Variants in SGPP2 observed in about 807,000 individuals in gnomAD.
SGPP2 encodes sphingosine 1-phosphate phosphohydrolase 2.
SGPP2 carries 30 observed loss-of-function variants against 33.9 expected under a neutral mutation model. The ratio of observed to expected loss-of-function variants is 0.89; its 90% CI spans 0.66 to 1.20. The LOEUF is 1.20. Among genes scored for constraint, SGPP2 ranks in the 50% most tolerant of loss-of-function variants. SGPP2 has a pLI of 0.00. For missense variants in SGPP2, 458 were observed against 532.1 expected (o/e 0.86, Z 1.37); for synonymous variants, 233 against 225.0 (o/e 1.04, Z -0.32).
intron 4 of SGPP2, among the ~76,000 whole-genome samples, chr2:222,526,372 G>A (rs1559170245): frequency 6.6e-6 from 1 of 152,294 alleles, no homozygotes; most frequent in East Asian, 1.9e-4. Flanking sequence ...GGCCAGTCCT[G>A]TAATTTTACC....
At chr2:222,445,001 C>T (rs1290914996) in intron 1 of SGPP2, among the ~76,000 whole-genome samples, 1 of 152,176 alleles carries the variant, frequency 6.6e-6, no homozygotes, top group Non-Finnish European at 1.5e-5. Context: ...AGACCCCGAC[C>T]CAGGAGACAG....
chr2:222,485,531 G>C (rs1417449845), intron 2 of SGPP2, among the ~76,000 whole-genome samples: 1 of 152,168 alleles, frequency 6.6e-6, no homozygotes, highest in Admixed American at 6.5e-5. Context: ...GTCATTCCTG[G>C]GCCCATGTTC....
At chr2:222,494,811 T>A (rs1698251489) in intron 2 of SGPP2, among the ~76,000 whole-genome samples, 1 of 152,230 alleles carries the variant, frequency 6.6e-6, no homozygotes, top group Non-Finnish European at 1.5e-5. Context: ...TCCCCCCTCT[T>A]CATTTTAAAA....
intron 1 of SGPP2, 30 bp downstream of exon 1, chr2:222,424,851 G>C (rs1045351224): frequency 6.9e-6 from 9 of 1,308,426 alleles, no homozygotes; most frequent in African/African-American, 1.5e-5. Context: ...CGCCGGGTAC[G>C]GGGAGGGGGC....
intron 2 of SGPP2, among the ~76,000 whole-genome samples, chr2:222,507,636 T>G (rs1698464465): frequency 6.6e-6 from 1 of 152,142 alleles, no homozygotes; most frequent in Non-Finnish European, 1.5e-5. Flanking sequence ...TGTTATTTGT[T>G]TTTGCATGAA....
Position 222,562,247 on chromosome 2 carries a change from C to T in SGPP2, c.*3349C>T, listed in dbSNP as rs930428697. On this transcript the variant is annotated 3_prime_UTR_variant, in exon 5 of 5. Coordinates refer to ENST00000321276, the MANE Select transcript of SGPP2 (RefSeq NM_152386.4). Reference sequence around the variant, plus strand: ...ACCCCCAACCCACTGCCACTGTGGGCCAAGCCATCCATCTTGCAATCTTCA... The same window carrying T: ...ACCCCCAACCCACTGCCACTGTGGGTCAAGCCATCCATCTTGCAATCTTCA... Among the ~76,000 whole-genome samples, 19 of 152,182 alleles carry T rather than the reference C, an allele frequency of 1.2e-4. No homozygotes were observed. The highest frequency in any genetic ancestry group is 4.6e-4 in the African/African-American group (19 of 41,424).
At chr2:222,552,559 C>T (rs1175453546) in intron 4 of SGPP2, among the ~76,000 whole-genome samples, 2 of 152,090 alleles carry the variant, frequency 1.3e-5, no homozygotes, top group Non-Finnish European at 2.9e-5. Flanking sequence ...TCTCACAAAT[C>T]ATCACTAGAG....
intron 2 of SGPP2, among the ~76,000 whole-genome samples, chr2:222,506,235 T>C (rs1157422172): frequency 6.6e-6 from 1 of 152,224 alleles, no homozygotes. Flanking sequence ...CAGTAAAAAG[T>C]GATCTCTTAA....
chr2:222,462,645 G>A (rs932548393), intron 1 of SGPP2, among the ~76,000 whole-genome samples: 4 of 152,024 alleles, frequency 2.6e-5, no homozygotes, highest in African/African-American at 9.7e-5. Context: ...TCACAATTTC[G>A]TTAAGATACA....
chr2:222,521,715 G>T, intron 2 of SGPP2, 52 bp from the exon 3 acceptor site: 1 of 1,543,262 alleles, frequency 6.5e-7, no homozygotes, highest in Non-Finnish European at 8.7e-7. Context: ...ATTTGGAAAT[G>T]CATTCATTTT....
At position 222,524,861 on chromosome 2, in the gene SGPP2, T is replaced by C. The variant is rs75252050; in HGVS notation, c.559-83T>C. ...TTTGGACTAGCAATTCTTGCATTAA[T>C]GAATCCTATTCCCACCTATGACATC... On this transcript the variant is annotated intron_variant, in intron 3 of 4. Coordinates refer to ENST00000321276, the MANE Select transcript of SGPP2 (RefSeq NM_152386.4). 1.0e-5 allele frequency: 11 copies of C among 1,069,940 alleles called. No individual in the cohort carries two copies. The East Asian group carries it at 2.8e-4, about 27-fold the overall frequency. 66.3% of individuals were successfully genotyped at this position (1,069,940 alleles called of 1,614,324 possible). A position where few individuals can be genotyped will look rare whatever the true frequency, so the allele number is the denominator to read the frequency against.
chr2:222,478,109 C>T (rs1413804239), intron 2 of SGPP2, among the ~76,000 whole-genome samples: 1 of 144,500 alleles, frequency 6.9e-6, no homozygotes, highest in Admixed American at 7.2e-5. Context: ...GTGTGAGAAG[C>T]GTAAGGTAGT....
chr2:222,464,433 C>T (rs1295276186), intron 1 of SGPP2, among the ~76,000 whole-genome samples: 1 of 152,208 alleles, frequency 6.6e-6, no homozygotes, highest in Non-Finnish European at 1.5e-5. Flanking sequence ...CTATCCTATG[C>T]CCAGATTTGG....
chr2:222,485,024 G>T (rs749864432), intron 2 of SGPP2, among the ~76,000 whole-genome samples: 70 of 152,242 alleles, frequency 4.6e-4, no homozygotes, highest in South Asian at 8.3e-4. Context: ...TTACACTCAA[G>T]AACCCATTTT....
rs553016707 is a variant in SGPP2, at chr2:222,463,856, G to A, written c.220-10712G>A. On this transcript the variant is annotated intron_variant, in intron 1 of 4. Transcript: ENST00000321276. ...CCTGAATAATTTTCTTACATTTTTG[G>A]CAGTGCCTTTTAATGCTTCAGAAAA... Among the ~76,000 whole-genome samples the A allele has an allele frequency of 4.9e-4, 75 of 152,218 alleles. No individual in the cohort carries two copies. In the South Asian group the frequency reaches 0.013, roughly 26 times the overall value.
At chr2:222,507,592 A>G (rs1230817176) in intron 2 of SGPP2, among the ~76,000 whole-genome samples, 1 of 152,200 alleles carries the variant, frequency 6.6e-6, no homozygotes, top group Non-Finnish European at 1.5e-5. Flanking sequence ...GGGTTTTCTT[A>G]GCAATGCTTC....
intron 2 of SGPP2, among the ~76,000 whole-genome samples, chr2:222,511,030 A>G (rs1698519396): frequency 6.6e-6 from 1 of 152,208 alleles, no homozygotes; most frequent in African/African-American, 2.4e-5. Flanking sequence ...GGTGTTATTT[A>G]TGCTAGTGTA....
At chr2:222,542,693 C>T (rs551715157) in intron 4 of SGPP2, among the ~76,000 whole-genome samples, 1 of 152,154 alleles carries the variant, frequency 6.6e-6, no homozygotes, top group East Asian at 1.9e-4. Flanking sequence ...TAGATACCCT[C>T]CTTTGTGGGG....
intron 2 of SGPP2, among the ~76,000 whole-genome samples, chr2:222,481,847 G>T (rs1424783096): frequency 1.3e-5 from 2 of 152,116 alleles, no homozygotes; most frequent in Non-Finnish European, 2.9e-5. Flanking sequence ...CCATTTGTAA[G>T]ATTTGTTTTT....
Sources: allele counts gnomAD v4.1 joint callset (sites outside exome capture counted in the v4.1 genomes callset), GRCh38; gene constraint gnomAD v4.1.1; transcripts MANE v1.5; gene names NCBI Gene and HGNC (gene_info 2026-07-23, HGNC 2026-07-21).